Variants in GSE1 observed in about 807,000 individuals in gnomAD.
The protein encoded by GSE1 is genetic suppressor element 1.
Under a neutral mutation model 112.6 loss-of-function variants are expected in GSE1, and 32 were observed. That is an observed-to-expected ratio of 0.28 (90% CI 0.21 to 0.38). The LOEUF (loss-of-function observed/expected upper bound fraction) is 0.38, where lower values mean the gene tolerates loss of function less well. GSE1 is among the 10% of genes least tolerant of loss of function. GSE1 has a pLI of 1.00. For missense variants in GSE1, 2,348 were observed against 1,699.2 expected (o/e 1.38, Z -6.71); for synonymous variants, 1,115 against 735.6 (o/e 1.52, Z -8.35).
chr16:85,334,564 C>T (rs1263052010), intron 1 of GSE1, among the ~76,000 whole-genome samples: 1 of 152,208 alleles, frequency 6.6e-6, no homozygotes, highest in Non-Finnish European at 1.5e-5. Flanking sequence ...AGGGTGGACT[C>T]TGAGGTGCAG....
chr16:85,256,455 G>A (rs1270571593), intron 1 of GSE1, among the ~76,000 whole-genome samples: 1 of 152,234 alleles, frequency 6.6e-6, no homozygotes, highest in African/African-American at 2.4e-5. Context: ...GACTGTTCTC[G>A]TTGCCTTGGT....
chr16:85,600,855 C>T (rs911276303), intron 1 of GSE1, among the ~76,000 whole-genome samples: 5 of 152,002 alleles, frequency 3.3e-5, no homozygotes, highest in Non-Finnish European at 4.4e-5. Context: ...GGCTGTTTGG[C>T]GCTGATGAGG....
intron 1 of GSE1, among the ~76,000 whole-genome samples, chr16:85,227,009 C>A (rs1392255758): frequency 6.6e-6 from 1 of 152,004 alleles, no homozygotes; most frequent in Non-Finnish European, 1.5e-5. Context: ...CACGCATCCC[C>A]TTTCCATCCA....
intron 2 of GSE1, among the ~76,000 whole-genome samples, chr16:85,543,433 G>C (rs1188608471): frequency 4.6e-5 from 7 of 152,118 alleles, no homozygotes; most frequent in African/African-American, 1.2e-4. Context: ...CAGAGAAAAG[G>C]GATAAACACT....
intron 1 of GSE1, among the ~76,000 whole-genome samples, chr16:85,277,962 G>A (rs140052605): frequency 3.0e-4 from 45 of 152,346 alleles, no homozygotes; most frequent in African/African-American, 9.6e-4. Context: ...CCATGGGTGC[G>A]CACAGAGGGG....
chr16:85,338,177 G>A lies in GSE1; in HGVS notation c.2284-19286G>A, dbSNP rs115876694. 5.4e-3 allele frequency among the ~76,000 whole-genome samples: 828 copies of A among 152,334 alleles called. 6 individuals are homozygous for A. Among genetic ancestry groups the A allele is most frequent in the African/African-American group, 0.019 (784 of 41,570 alleles). On this transcript the variant is annotated intron_variant, in intron 1 of 2. Transcript: ENST00000637419. ...GCAGGGCAGGGCAGGCTGCCTGGGC[G>A]TTGCCTGCTTCATCCTCCTTTCTCA...
At chr16:85,564,998 G>A (rs2045678394) in intron 1 of GSE1, among the ~76,000 whole-genome samples, 1 of 152,150 alleles carries the variant, frequency 6.6e-6, no homozygotes, top group Admixed American at 6.5e-5. Context: ...AAGCCGGGGA[G>A]TGGGTCGGAG....
At chr16:85,545,422 T>G (rs1162894516) in intron 2 of GSE1, among the ~76,000 whole-genome samples, 1 of 152,200 alleles carries the variant, frequency 6.6e-6, no homozygotes, top group East Asian at 1.9e-4. Flanking sequence ...TCCTGTTTTT[T>G]GTTTGTTTTG....
intron 1 of GSE1, among the ~76,000 whole-genome samples, chr16:85,334,373 G>A (rs2046438555): frequency 6.6e-6 from 1 of 152,206 alleles, no homozygotes. Context: ...GGGCCTGCAT[G>A]GGGGAGCTGC....
intron 15 of GSE1, chr16:85,672,199 T>G (rs1353521309): frequency 1.0e-5 from 6 of 576,064 alleles, no homozygotes; most frequent in Admixed American, 2.4e-5. Flanking sequence ...TTCCCCATGT[T>G]GGCCAGGCTG....
At chr16:85,265,739 T>A (rs1383562847) in intron 1 of GSE1, among the ~76,000 whole-genome samples, 1 of 152,126 alleles carries the variant, frequency 6.6e-6, no homozygotes, top group African/African-American at 2.4e-5. Flanking sequence ...ATTGGGGGGC[T>A]CTCTGCTGTG....
At chr16:85,453,286 C>T (rs1016333517) in intron 2 of GSE1, among the ~76,000 whole-genome samples, 18 of 152,188 alleles carry the variant, frequency 1.2e-4, no homozygotes, top group Non-Finnish European at 2.1e-4. Context: ...AGCCCGCCCA[C>T]CCTCCTCTAC....
chr16:85,351,014 A>C (rs1271612161), intron 1 of GSE1, among the ~76,000 whole-genome samples: 1 of 152,218 alleles, frequency 6.6e-6, no homozygotes, highest in African/African-American at 2.4e-5. Context: ...TTCTGGGCTT[A>C]AGTGATCTGC....
chr16:85,255,823 GGACTA>G (rs2144063427), intron 1 of GSE1, among the ~76,000 whole-genome samples: 1 of 152,178 alleles, frequency 6.6e-6, no homozygotes, highest in African/African-American at 2.4e-5. Context: ...TGAACAGCTG[GGACTA>G]CCAGTGTGCA....
chr16:85,574,781 G>A (rs923365247), intron 1 of GSE1, among the ~76,000 whole-genome samples: 1 of 152,222 alleles, frequency 6.6e-6, no homozygotes, highest in African/African-American at 2.4e-5. Context: ...AGGTCCCCTG[G>A]GTCTCCTCCT....
At chr16:85,196,073 C>T (rs1233190801) in intron 1 of GSE1, among the ~76,000 whole-genome samples, 2 of 152,102 alleles carry the variant, frequency 1.3e-5, no homozygotes, top group Non-Finnish European at 2.9e-5. Flanking sequence ...GTATTCACGC[C>T]CAGTGGGGAA....
Position 85,661,697 on chromosome 16 carries a change from A to C in GSE1, c.2192A>C (p.Gln731Pro). 1 of 1,605,506 alleles carries C rather than the reference A, an allele frequency of 6.2e-7. No individual in the cohort carries two copies. The highest frequency in any genetic ancestry group is 8.5e-7 in the Non-Finnish European group (1 of 1,176,304). The change falls in exon 9 of 16, where the codon CAG (glutamine) becomes CCG (proline). Residue 731 changes from glutamine (Q) to proline (P), a missense_variant. Transcript: ENST00000253458. Reference sequence around the variant, plus strand: ...GCCTACATCTATGATGAGTTCCTGCAGCAGCGCCGGAGGCTGGTCAGCAAG... The same window carrying C: ...GCCTACATCTATGATGAGTTCCTGCCGCAGCGCCGGAGGCTGGTCAGCAAG... Reference protein sequence around the residue: ...DPAYIYDEFLQQRRRLVSKLD... With the variant: ...DPAYIYDEFLPQRRRLVSKLD...
At chr16:85,665,581 A>G (rs893849859) in intron 12 of GSE1, among the ~76,000 whole-genome samples, 5 of 132,968 alleles carry the variant, frequency 3.8e-5, no homozygotes, top group East Asian at 3.2e-4. Context: ...CTGCCGCCAC[A>G]CCTTTCCTCC....
chr16:85,496,630 A>G (rs2051187533), intron 2 of GSE1, among the ~76,000 whole-genome samples: 2 of 152,222 alleles, frequency 1.3e-5, no homozygotes, highest in African/African-American at 4.8e-5. Context: ...ACTTGTTTGC[A>G]GGGAGCTGGG....
Sources: allele counts gnomAD v4.1 joint callset (sites outside exome capture counted in the v4.1 genomes callset), GRCh38; gene constraint gnomAD v4.1.1; transcripts MANE v1.5; gene names NCBI Gene and HGNC (gene_info 2026-07-23, HGNC 2026-07-21).